The following NEGR1 variants were observed in gnomAD, a reference collection of about 807,000 sequenced individuals.
The protein encoded by NEGR1 is IgLON family member 4.
A neutral mutation model predicts 40.9 loss-of-function variants in NEGR1; 10 were observed. That is an observed-to-expected ratio of 0.24 (90% CI 0.15 to 0.42). NEGR1 has a LOEUF of 0.42. Among genes scored for constraint, NEGR1 ranks in the 10% least tolerant of loss-of-function variants. The pLI, the probability that NEGR1 is intolerant of heterozygous loss-of-function variation, is 1.00. For synonymous variants in NEGR1, 185 were observed against 166.8 expected, an observed-to-expected ratio of 1.11 and a Z score of -0.84; for missense variants, 352 against 438.9, an observed-to-expected ratio of 0.80 and a Z score of 1.77.
At chr1:72,214,650 T>A (rs1282871670) in intron 1 of NEGR1, among the ~76,000 whole-genome samples, 2 of 151,820 alleles carry the variant, frequency 1.3e-5, no homozygotes, top group Non-Finnish European at 2.9e-5. Context: ...GAATACAACT[T>A]ACAAGGCACA....
intron 1 of NEGR1, among the ~76,000 whole-genome samples, chr1:72,139,254 CG>C (rs1221045711): frequency 1.7e-5 from 2 of 115,076 alleles, no homozygotes; most frequent in African/African-American, 6.8e-5. Context: ...CCAGAAAAAG[CG>C]AAAAAAAAAA....
chr1:72,146,598 C>T (rs1557549793), intron 1 of NEGR1, among the ~76,000 whole-genome samples: 1 of 151,864 alleles, frequency 6.6e-6, no homozygotes, highest in Non-Finnish European at 1.5e-5. Flanking sequence ...AAATTATCTC[C>T]AGGCCATATT....
rs1002567384 is a variant in NEGR1, at chr1:71,736,229, A to G, written c.536-38090T>C. 5.9e-5 allele frequency among the ~76,000 whole-genome samples: 9 copies of G among 152,150 alleles called. No homozygotes were observed. The East Asian group carries it at 1.5e-3, about 26-fold the overall frequency. Reference sequence around the variant, plus strand: ...TATTGTCTATTAGTTCAGTCAAACTATTAGTTTCTTCCCACTTTGATGTAT... The same window carrying G: ...TATTGTCTATTAGTTCAGTCAAACTGTTAGTTTCTTCCCACTTTGATGTAT... On this transcript the variant is annotated intron_variant, in intron 3 of 6. Coordinates refer to ENST00000357731, the MANE Select transcript of NEGR1 (RefSeq NM_173808.3).
chr1:71,706,001 A>G (rs894713236), intron 3 of NEGR1, among the ~76,000 whole-genome samples: 2 of 152,186 alleles, frequency 1.3e-5, no homozygotes, highest in African/African-American at 4.8e-5. Flanking sequence ...AAACACTTTC[A>G]TAAGAACCAA....
chr1:71,922,872 C>A (rs1167864177), intron 2 of NEGR1, among the ~76,000 whole-genome samples: 1 of 152,128 alleles, frequency 6.6e-6, no homozygotes, highest in African/African-American at 2.4e-5. Context: ...TAGATGAAGA[C>A]AGTTGACCAA....
chr1:71,922,289 G>T (rs755480606), intron 2 of NEGR1, among the ~76,000 whole-genome samples: 1 of 152,092 alleles, frequency 6.6e-6, no homozygotes, highest in South Asian at 2.1e-4. Context: ...TCACTCTCTT[G>T]CCAGTATCTC....
intron 1 of NEGR1, among the ~76,000 whole-genome samples, chr1:71,937,606 G>T (rs1246236215): frequency 6.6e-6 from 1 of 152,168 alleles, no homozygotes; most frequent in Non-Finnish European, 1.5e-5. Flanking sequence ...TGCCAATGTT[G>T]AATTCATAAT....
intron 2 of NEGR1, among the ~76,000 whole-genome samples, chr1:71,878,234 A>C (rs1660487031): frequency 6.6e-6 from 1 of 152,168 alleles, no homozygotes. Flanking sequence ...TACCTGTATA[A>C]ATTTGCTTCT....
rs1169402759 is a variant in NEGR1 at position 71,832,079 on chromosome 1, C to G, written c.410-55782G>C. On this transcript the variant is annotated intron_variant, in intron 2 of 6. Transcript: ENST00000357731. ...GAGTGAGAAAAATCAACTGAGCACC[C>G]CTGCGATAATCATAAGCCTAGATTA... Among the ~76,000 whole-genome samples, 4 of 151,672 alleles carry G rather than the reference C, an allele frequency of 2.6e-5. No homozygotes were observed. In the East Asian group the frequency reaches 5.9e-4, roughly 22 times the overall value.
intron 6 of NEGR1, among the ~76,000 whole-genome samples, chr1:71,544,960 C>T (rs1481409684): frequency 2.0e-5 from 3 of 151,658 alleles, no homozygotes; most frequent in African/African-American, 7.3e-5. Context: ...TTCAGGTTTC[C>T]TGAGTGCCTG....
At chr1:72,185,253 T>C (rs1401432233) in intron 1 of NEGR1, among the ~76,000 whole-genome samples, 1 of 151,950 alleles carries the variant, frequency 6.6e-6, no homozygotes, top group Non-Finnish European at 1.5e-5. Flanking sequence ...AGACCATAAT[T>C]TGAATAGTGT....
At chr1:72,278,100 A>G (rs1656120029) in intron 1 of NEGR1, among the ~76,000 whole-genome samples, 1 of 152,188 alleles carries the variant, frequency 6.6e-6, no homozygotes, top group East Asian at 1.9e-4. Context: ...CCAATAGTGT[A>G]GAAATACGCC....
At position 71,698,020 on chromosome 1, in the gene NEGR1, C is replaced by T; in HGVS notation, c.655G>A (p.Val219Ile). 1.2e-6 allele frequency: 2 copies of T among 1,611,128 alleles called. No individual in the cohort carries two copies. The highest frequency in any genetic ancestry group is 1.7e-6 in the Non-Finnish European group (2 of 1,178,046). ...TGATGACACTTACAGTTGACAACAA[C>T]TTTTACTTTCCTCACATCTGGGAAT... ...VSFPDVRKVKVVVNFAPTIQE... is the reference protein window; with the variant it reads ...VSFPDVRKVKIVVNFAPTIQE... Residue 219 changes from valine to isoleucine, a missense_variant, in exon 4 of 7, where the codon GTT becomes ATT. By Grantham distance (29) the Val-to-Ile change is conservative. Around this residue, in one of 5 missense-constraint regions of NEGR1, gnomAD observed 184 missense variants for 208.7 expected, o/e 0.88. Transcript: ENST00000357731.
chr1:72,182,864 C>T (rs1435532260), intron 1 of NEGR1, among the ~76,000 whole-genome samples: 1 of 142,316 alleles, frequency 7.0e-6, no homozygotes, highest in Non-Finnish European at 1.5e-5. Context: ...ACCCATCCCA[C>T]AGGTTTGCTT....
At chr1:71,987,325 T>A (rs1646403628) in intron 1 of NEGR1, among the ~76,000 whole-genome samples, 1 of 152,068 alleles carries the variant, frequency 6.6e-6, no homozygotes, top group Non-Finnish European at 1.5e-5. Context: ...GCTTCACATC[T>A]GACACACAAA....
chr1:71,976,695 ATT>A (rs975310450), intron 1 of NEGR1, among the ~76,000 whole-genome samples: 1 of 152,060 alleles, frequency 6.6e-6, no homozygotes, highest in Non-Finnish European at 1.5e-5. Context: ...TTATTGTGCA[ATT>A]TTTTTATAAC....
chr1:71,974,460 T>C (rs1403961901), intron 1 of NEGR1, among the ~76,000 whole-genome samples: 2 of 152,160 alleles, frequency 1.3e-5, no homozygotes, highest in African/African-American at 4.8e-5. Flanking sequence ...ACTATTACAC[T>C]ATTTTGATAA....
At chr1:72,112,992 G>T (rs1208270705) in intron 1 of NEGR1, among the ~76,000 whole-genome samples, 1 of 151,252 alleles carries the variant, frequency 6.6e-6, no homozygotes, top group African/African-American at 2.4e-5. Flanking sequence ...CTTCTTTTTG[G>T]CAAGAAGTCT....
At chr1:71,736,281 A>AAACAAT (rs1655038207) in intron 3 of NEGR1, among the ~76,000 whole-genome samples, 1 of 152,068 alleles carries the variant, frequency 6.6e-6, no homozygotes, top group African/African-American at 2.4e-5. Context: ...GATGAATTTT[A>AAACAAT]TGTCTAAAAT....
Sources: gnomAD v4.1 joint callset for allele counts (sites outside exome capture counted in the v4.1 genomes callset) on GRCh38, gnomAD v4.1.1 for gene constraint, gnomAD v4.1.1 regional missense constraint, MANE v1.5 for transcripts, NCBI Gene and HGNC (gene_info 2026-07-23, HGNC 2026-07-21) for gene names.